Variants in CASP5 observed in about 807,000 individuals in gnomAD.
The protein encoded by CASP5 is caspase 5.
In CASP5, 42 loss-of-function variants were observed where a neutral mutation model predicts 45.2. That is an observed-to-expected ratio of 0.93 (90% CI 0.73 to 1.20). The LOEUF (loss-of-function observed/expected upper bound fraction) is 1.20, where lower values mean the gene tolerates loss of function less well. Among genes scored for constraint, CASP5 ranks in the 50% most tolerant of loss-of-function variants. The pLI, the probability that CASP5 is intolerant of heterozygous loss-of-function variation, is 0.00. For missense variants in CASP5, 512 were observed against 532.2 expected (o/e 0.96, Z 0.37); for synonymous variants, 209 against 186.2 (o/e 1.12, Z -1.00).
At chr11:105,006,579 G>A (rs1862009480) in intron 3 of CASP5, among the ~76,000 whole-genome samples, 1 of 152,152 alleles carries the variant, frequency 6.6e-6, no homozygotes, top group Non-Finnish European at 1.5e-5. Flanking sequence ...TTTATATGCC[G>A]CTAGAGCTAA....
chr11:105,010,991 A>G (rs1024178732), intron 1 of CASP5, among the ~76,000 whole-genome samples: 1 of 151,784 alleles, frequency 6.6e-6, no homozygotes, highest in African/African-American at 2.4e-5. Flanking sequence ...ACATTACATG[A>G]TAGTTGTTGA....
chr11:105,013,001 T>C (rs1248567037), intron 1 of CASP5, among the ~76,000 whole-genome samples: 2 of 152,030 alleles, frequency 1.3e-5, no homozygotes, highest in African/African-American at 4.8e-5. Flanking sequence ...TTATTCACAA[T>C]AGGCAAGATA....
intron 3 of CASP5, among the ~76,000 whole-genome samples, 155 bp from the exon 4 acceptor site, chr11:105,003,538 G>A (rs1861854834): frequency 6.6e-6 from 1 of 151,758 alleles, no homozygotes; most frequent in South Asian, 2.1e-4. Flanking sequence ...TTAAGGAAAT[G>A]TGTTGTGAGA....
chr11:105,022,462 C>G (rs1311723964), intron 1 of CASP5, among the ~76,000 whole-genome samples: 2 of 152,056 alleles, frequency 1.3e-5, no homozygotes, highest in Non-Finnish European at 2.9e-5. Context: ...GGAATACGAG[C>G]TGCTTAAGTA....
At chr11:105,009,759 A>ATATATG (rs1491522146) in intron 1 of CASP5, among the ~76,000 whole-genome samples, 1 of 64,384 alleles carries the variant, frequency 1.6e-5, no homozygotes. Context: ...ATATATATAT[A>ATATATG]CACACACACA....
intron 1 of CASP5, among the ~76,000 whole-genome samples, chr11:105,010,245 C>T (rs1862274408): frequency 6.6e-6 from 1 of 150,610 alleles, no homozygotes; most frequent in Non-Finnish European, 1.5e-5. Context: ...CAAAACAGGA[C>T]AAAAAGTTAC....
chr11:105,016,556 CT>C (rs1210376489), intron 1 of CASP5, among the ~76,000 whole-genome samples: 1 of 152,208 alleles, frequency 6.6e-6, no homozygotes, highest in Non-Finnish European at 1.5e-5. Flanking sequence ...CACACGGCAC[CT>C]GGAAAATCGG....
At chr11:105,011,512 T>C (rs1283553430) in intron 1 of CASP5, among the ~76,000 whole-genome samples, 2 of 151,768 alleles carry the variant, frequency 1.3e-5, no homozygotes. Context: ...TAATGTGTCC[T>C]GTTTATGAAT....
chr11:105,018,301 T>C (rs1469904166), intron 1 of CASP5, among the ~76,000 whole-genome samples: 2 of 150,120 alleles, frequency 1.3e-5, no homozygotes, highest in African/African-American at 2.5e-5. Context: ...AATTCACACA[T>C]AACAATATTA....
intron 6 of CASP5, 41 bp downstream of exon 6, chr11:105,000,220 T>C: frequency 1.2e-6 from 2 of 1,600,296 alleles, no homozygotes; most frequent in Non-Finnish European, 1.7e-6. Flanking sequence ...ATCCTCTGCA[T>C]ACACCTTCAA....
At position 105,000,418 on chromosome 11, in the gene CASP5, C is replaced by A; in HGVS notation, c.795G>T (p.Met265Ile). The change falls in exon 6 of 10, where the codon ATG becomes ATT. Residue 265 changes from methionine to isoleucine, a missense_variant. Met to Ile is a conservative substitution (Grantham distance 10, BLOSUM62 1). Transcript: ENST00000260315. ...AGATTCCCTCTAGGATGCCATGAGACATGAGTACCAAGAACGTGCTGTCAG... is the reference window on the plus strand; with the variant it reads ...AGATTCCCTCTAGGATGCCATGAGAAATGAGTACCAAGAACGTGCTGTCAG... Reference protein sequence around the residue: ...KSSDSTFLVLMSHGILEGICG... With the variant: ...KSSDSTFLVLISHGILEGICG... 6.2e-7 allele frequency: 1 copy of A among 1,614,224 alleles called. No individual in the cohort carries two copies. The highest frequency in any genetic ancestry group is 8.5e-7 in the Non-Finnish European group (1 of 1,180,028).
chr11:104,994,711 T>C (rs3181337), intron 9 of CASP5, among the ~76,000 whole-genome samples: 2,754 of 152,344 alleles, frequency 0.018, 81 homozygotes, highest in African/African-American at 0.056. Context: ...CACTATCTCA[T>C]TGTAGTTCTT....
intron 1 of CASP5, among the ~76,000 whole-genome samples, chr11:105,014,913 G>C (rs1325347512): frequency 1.3e-5 from 2 of 152,196 alleles, no homozygotes; most frequent in African/African-American, 4.8e-5. Context: ...AGAAGGGAGG[G>C]CTTGGCACTG....
At chr11:105,005,354 A>ATGTGTGTG (rs1383458291) in intron 3 of CASP5, among the ~76,000 whole-genome samples, 118 of 114,004 alleles carry the variant, frequency 1.0e-3, no homozygotes, top group Admixed American at 2.8e-3. Context: ...GTGTATATAT[A>ATGTGTGTG]TATGTGTGTG....
chr11:105,000,790 T>C (rs1461560162), intron 5 of CASP5, among the ~76,000 whole-genome samples: 1 of 152,158 alleles, frequency 6.6e-6, no homozygotes, highest in Non-Finnish European at 1.5e-5. Flanking sequence ...CTCAATCTTT[T>C]CTCTCCTTTC....
chr11:105,005,598 G>C (rs887293705), intron 3 of CASP5, among the ~76,000 whole-genome samples: 3 of 152,078 alleles, frequency 2.0e-5, no homozygotes, highest in Non-Finnish European at 4.4e-5. Context: ...GATCATTCTG[G>C]AGAATACAAA....
At chr11:105,020,780 A>C (rs892184386) in intron 1 of CASP5, among the ~76,000 whole-genome samples, 4 of 152,210 alleles carry the variant, frequency 2.6e-5, no homozygotes, top group Admixed American at 2.0e-4. Context: ...GCTACCAATG[A>C]CTTTCTTCAC....
chr11:105,011,952 A>T (rs1426542922), intron 1 of CASP5, among the ~76,000 whole-genome samples: 1 of 151,844 alleles, frequency 6.6e-6, no homozygotes, highest in Admixed American at 6.6e-5. Flanking sequence ...TAAAATTCAT[A>T]TGGAATTATT....
At chr11:105,001,582 G>A (rs1861728269) in intron 5 of CASP5, among the ~76,000 whole-genome samples, 1 of 152,128 alleles carries the variant, frequency 6.6e-6, no homozygotes. Flanking sequence ...AATCGCTTGT[G>A]GAAGGTGAAT....
Sources: allele counts gnomAD v4.1 joint callset (sites outside exome capture counted in the v4.1 genomes callset), GRCh38; gene constraint gnomAD v4.1.1; transcripts MANE v1.5; gene names NCBI Gene and HGNC (gene_info 2026-07-23, HGNC 2026-07-21).